CCDC57: variants seen among roughly 807,000 people sequenced by gnomAD.
CCDC57 encodes the protein coiled-coil domain containing 57, also known as coiled-coil domain-containing protein 57.
CCDC57 carries 118 observed loss-of-function variants against 118.9 expected under a neutral mutation model. That is an observed-to-expected ratio of 0.99 (90% CI 0.86 to 1.16). The LOEUF (loss-of-function observed/expected upper bound fraction) is 1.16. Ranked by LOEUF, CCDC57 falls within the 50% of genes most tolerant of loss-of-function variation. The pLI, the probability that CCDC57 is intolerant of heterozygous loss-of-function variation, is 0.00. For synonymous variants in CCDC57, 527 were observed against 532.9 expected, an observed-to-expected ratio of 0.99 and a Z score of 0.15; for missense variants, 1,300 against 1,320.7, an observed-to-expected ratio of 0.98 and a Z score of 0.24.
intron 19 of CCDC57, among the ~76,000 whole-genome samples, chr17:82,116,548 G>A (rs1303091068): frequency 1.3e-5 from 2 of 152,094 alleles, no homozygotes; most frequent in East Asian, 3.9e-4. Flanking sequence ...CCCAGGACAT[G>A]CTTGGCCCTC....
At chr17:82,122,958 G>A (rs182116386) in intron 19 of CCDC57, among the ~76,000 whole-genome samples, 155 of 152,116 alleles carry the variant, frequency 1.0e-3, no homozygotes, top group Non-Finnish European at 1.8e-3. Context: ...TCCCCAAGCC[G>A]GGAAGGATTG....
At chr17:82,123,415 C>T (rs1310782535) in intron 19 of CCDC57, among the ~76,000 whole-genome samples, 2 of 151,480 alleles carry the variant, frequency 1.3e-5, no homozygotes, top group African/African-American at 2.4e-5. Flanking sequence ...AGGAGTGAGC[C>T]ACCGCCCGGC....
chr17:82,201,644 T>C (rs1279720848), exon 3 of CCDC57: 3 of 1,613,790 alleles, frequency 1.9e-6, no homozygotes, highest in Non-Finnish European at 2.5e-6. Context: ...TGCCTCAGCT[T>C]AGCTGCCTCT....
chr17:82,113,964 G>A (rs1409526660), intron 19 of CCDC57, among the ~76,000 whole-genome samples: 4 of 152,048 alleles, frequency 2.6e-5, no homozygotes, highest in Non-Finnish European at 5.9e-5. Context: ...GAGCCCCAAG[G>A]CCCCCTTGCC....
chr17:82,175,241 C>A (rs568375589), intron 11 of CCDC57, among the ~76,000 whole-genome samples: 32 of 152,358 alleles, frequency 2.1e-4, no homozygotes, highest in African/African-American at 7.7e-4. Flanking sequence ...CGTGCTCCAC[C>A]TGGCCAGTTA....
At position 82,163,120 on chromosome 17, in the gene CCDC57, G is replaced by A. The variant is rs115812392; in HGVS notation, c.2040+80C>T. On this transcript the variant is annotated intron_variant, in intron 14 of 19. Coordinates refer to ENST00000665763, the Ensembl canonical transcript of CCDC57. Reference sequence around the variant, plus strand: ...GCCCGAGGTCACCTGGGGTCGCACCGGGCAGCCGCTCAGAGCCCACGCGCT... The same window carrying A: ...GCCCGAGGTCACCTGGGGTCGCACCAGGCAGCCGCTCAGAGCCCACGCGCT... 9.6e-4 allele frequency: 1,487 copies of A among 1,545,962 alleles called. 12 individuals are homozygous for A. In the African/African-American group the frequency reaches 0.017, roughly 18 times the overall value.
intron 15 of CCDC57, chr17:82,153,975 T>C (rs1371246942): frequency 6.6e-6 from 1 of 152,542 alleles, no homozygotes; most frequent in African/African-American, 2.4e-5. Flanking sequence ...TCCATCAGGC[T>C]GGGCCGGCGC....
chr17:82,196,651 C>T (rs1304490772), intron 4 of CCDC57, among the ~76,000 whole-genome samples: 5 of 152,192 alleles, frequency 3.3e-5, no homozygotes, highest in East Asian at 1.9e-4. Flanking sequence ...CCTGCACAGA[C>T]GCAGCCCCTT....
intron 14 of CCDC57, among the ~76,000 whole-genome samples, chr17:82,160,866 T>A (rs1599034185): frequency 2.4e-5 from 2 of 83,522 alleles, no homozygotes; most frequent in Admixed American, 2.1e-4. Flanking sequence ...ACAGCAAGAC[T>A]CTGTCTCAAA....
At chr17:82,195,430 T>C in intron 4 of CCDC57, 66 bp from the exon 4 acceptor site, 11 of 1,225,620 alleles carry the variant, frequency 9.0e-6, no homozygotes, top group South Asian at 1.3e-5. Context: ...ACCCACGTCC[T>C]GGGAGGTGGG....
At chr17:82,191,128 TA>T (rs58339271) in intron 7 of CCDC57, among the ~76,000 whole-genome samples, 70,243 of 148,616 alleles carry the variant, frequency 0.47, 17,124 homozygotes, top group East Asian at 0.88. Context: ...AAATAAAAAA[TA>T]AAAAAAAAGG....
chr17:82,201,585 C>T, exon 3 of CCDC57: 4 of 1,612,274 alleles, frequency 2.5e-6, no homozygotes, highest in Non-Finnish European at 3.4e-6. Flanking sequence ...ATGCCAGCTG[C>T]TGCTGCTGCT....
intron 9 of CCDC57, among the ~76,000 whole-genome samples, chr17:82,181,688 T>G (rs985705196): frequency 6.6e-6 from 1 of 152,210 alleles, no homozygotes; most frequent in Non-Finnish European, 1.5e-5. Flanking sequence ...TACAAATAAG[T>G]TCAGAGATTT....
At chr17:82,211,726 G>A (rs1447941923) in intron 1 of CCDC57, among the ~76,000 whole-genome samples, 3 of 151,974 alleles carry the variant, frequency 2.0e-5, no homozygotes, top group Non-Finnish European at 4.4e-5. Flanking sequence ...TTCTTCGCTT[G>A]CAGCCCCTTG....
intron 16 of CCDC57, among the ~76,000 whole-genome samples, chr17:82,143,486 A>G (rs1025240833): frequency 2.7e-3 from 124 of 45,296 alleles, no homozygotes; most frequent in African/African-American, 9.0e-3. Context: ...ACACACAGGC[A>G]CACACACACA....
chr17:82,106,935 C>T (rs1049647276), intron 19 of CCDC57, among the ~76,000 whole-genome samples: 1 of 152,204 alleles, frequency 6.6e-6, no homozygotes, highest in Non-Finnish European at 1.5e-5. Flanking sequence ...CATCTCAGGG[C>T]CATAGACCAG....
chr17:82,184,000 C>G (rs562052046), intron 8 of CCDC57, 68 bp from the exon 8 acceptor site: 5 of 1,388,970 alleles, frequency 3.6e-6, no homozygotes, highest in Admixed American at 3.8e-5. Context: ...ACACAGCACC[C>G]CCCAGCAAAT....
At chr17:82,167,147 A>C (rs1568335797) in intron 13 of CCDC57, among the ~76,000 whole-genome samples, 1 of 152,174 alleles carries the variant, frequency 6.6e-6, no homozygotes, top group Non-Finnish European at 1.5e-5. Context: ...CAGCAGGACA[A>C]TAACAAAAGA....
chr17:82,201,932 C>G lies in CCDC57; in HGVS notation c.13G>C (p.Gly5Arg), dbSNP rs201341586. ...AGCTCATTCAGGGCGGGCTCTGAGC[C>G]CAGTGGCAGCATGGTGGCCGCTGCA... The change falls in exon 3 of 20, where the codon GGC becomes CGC. Residue 5 changes from glycine to arginine, a missense_variant. Physicochemically the swap from Gly to Arg is moderately radical, Grantham distance 125 (BLOSUM62 -2). Transcript: ENST00000665763. 1,641 of 1,594,036 alleles carry G rather than the reference C, an allele frequency of 1.0e-3. 1 individual carries two copies. Among genetic ancestry groups the G allele is most frequent in the Non-Finnish European group, 1.3e-3 (1,509 of 1,167,374 alleles).
Sources: allele counts gnomAD v4.1 joint callset (sites outside exome capture counted in the v4.1 genomes callset), GRCh38; gene constraint gnomAD v4.1.1; transcripts MANE v1.5; gene names NCBI Gene and HGNC (gene_info 2026-07-23, HGNC 2026-07-21).